TBCA: variants seen among roughly 807,000 people sequenced by gnomAD.
The protein encoded by TBCA is tubulin-specific chaperone A.
TBCA carries 6 observed loss-of-function variants against 15.8 expected under a neutral mutation model. The ratio of observed to expected loss-of-function variants is 0.38; its 90% CI spans 0.21 to 0.75. The LOEUF is 0.75. TBCA is among the 30% of genes least tolerant of loss of function. TBCA has a pLI of 0.46. For missense variants in TBCA, 90 were observed against 131.2 expected, an observed-to-expected ratio of 0.69 and a Z score of 1.53; for synonymous variants, 32 against 42.3, an observed-to-expected ratio of 0.76 and a Z score of 0.94.
intron 1 of TBCA, among the ~76,000 whole-genome samples, chr5:77,766,110 T>C (rs970962438): frequency 1.3e-5 from 2 of 152,108 alleles, no homozygotes; most frequent in Non-Finnish European, 2.9e-5. Context: ...CCTATGTCCC[T>C]ACTATTTTTC....
At chr5:77,774,011 C>G (rs1747966939) in intron 1 of TBCA, among the ~76,000 whole-genome samples, 1 of 152,142 alleles carries the variant, frequency 6.6e-6, no homozygotes, top group Non-Finnish European at 1.5e-5. Flanking sequence ...TGAATGGACC[C>G]CTCCTCTCAA....
At chr5:77,760,572 G>A (rs1163711329) in intron 1 of TBCA, among the ~76,000 whole-genome samples, 4 of 152,092 alleles carry the variant, frequency 2.6e-5, no homozygotes, top group Non-Finnish European at 5.9e-5. Flanking sequence ...ACAGGCACGC[G>A]CCACCACGCC....
At chr5:77,758,098 C>A (rs887164822) in intron 1 of TBCA, among the ~76,000 whole-genome samples, 12 of 152,046 alleles carry the variant, frequency 7.9e-5, no homozygotes, top group African/African-American at 2.7e-4. Context: ...GAGAGGGTAA[C>A]CTAAAGTACA....
At chr5:77,766,946 A>G (rs1215737408) in intron 1 of TBCA, among the ~76,000 whole-genome samples, 1 of 152,230 alleles carries the variant, frequency 6.6e-6, no homozygotes, top group Non-Finnish European at 1.5e-5. Context: ...GTGAAAAGCA[A>G]TGATATATCA....
chr5:77,748,219 C>T (rs150406859), intron 1 of TBCA, among the ~76,000 whole-genome samples: 2,803 of 152,230 alleles, frequency 0.018, 37 homozygotes, highest in Non-Finnish European at 0.03. Flanking sequence ...AACAAAAAAG[C>T]CATTCTGAGG....
chr5:77,751,471 G>GCCGGCCAGCCC (rs1409519324), intron 1 of TBCA, among the ~76,000 whole-genome samples: 1 of 151,808 alleles, frequency 6.6e-6, no homozygotes, highest in African/African-American at 2.4e-5. Context: ...GAGCCACCGC[G>GCCGGCCAGCCC]CCGGCCAGCC....
intron 2 of TBCA, among the ~76,000 whole-genome samples, chr5:77,695,134 A>G (rs922175619): frequency 6.6e-6 from 1 of 152,230 alleles, no homozygotes; most frequent in Non-Finnish European, 1.5e-5. Flanking sequence ...ACAAGTCACA[A>G]TATGTGTTTG....
At chr5:77,753,534 G>A (rs1028740144) in intron 1 of TBCA, among the ~76,000 whole-genome samples, 1 of 152,194 alleles carries the variant, frequency 6.6e-6, no homozygotes, top group Non-Finnish European at 1.5e-5. Flanking sequence ...TCATAAAAGA[G>A]AGAAGGAGGT....
chr5:77,693,143 T>C, intron 3 of TBCA, 123 bp downstream of exon 3: 1 of 1,531,542 alleles, frequency 6.5e-7, no homozygotes, highest in Non-Finnish European at 8.7e-7. Flanking sequence ...TATAGCGGTA[T>C]AAAGGGCAAG....
rs1746587749 is a variant in TBCA at position 77,724,464 on chromosome 5, A to T, written c.54-16117T>A. Among the ~76,000 whole-genome samples the T allele has an allele frequency of 4.6e-5, 7 of 152,104 alleles. No individual in the cohort carries two copies. The South Asian group carries it at 1.4e-3, about 31-fold the overall frequency. ...CCAGTACATATAAAGCAAATATTTA[A>T]ATTTTATCTAAGCCATACTTAAAAA... On this transcript the variant is annotated intron_variant, in intron 1 of 3. Coordinates refer to ENST00000380377, the MANE Select transcript of TBCA (RefSeq NM_004607.3).
chr5:77,718,318 A>G (rs1018610443), intron 1 of TBCA, among the ~76,000 whole-genome samples: 1 of 152,178 alleles, frequency 6.6e-6, no homozygotes, highest in African/African-American at 2.4e-5. Flanking sequence ...CTTAATGGAG[A>G]GTGGGAATTA....
At chr5:77,767,915 T>C (rs1441877220) in intron 1 of TBCA, among the ~76,000 whole-genome samples, 1 of 152,246 alleles carries the variant, frequency 6.6e-6, no homozygotes, top group Non-Finnish European at 1.5e-5. Context: ...TATTAAGAGA[T>C]GGGGCCTTTA....
rs1321456798 is a variant in TBCA at position 77,752,559 on chromosome 5, TTTC to T, written c.53+23643_53+23645del. ...TTGTTTTGTTTTGTTTTGTTTTGTT[TTTC>T]TTTTTTTGAGACGGAGTCTCGCTCT... On this transcript the variant is annotated intron_variant, in intron 1 of 3. Transcript: ENST00000380377. Among the ~76,000 whole-genome samples the T allele has an allele frequency of 1.0e-4, 5 of 48,096 alleles. 2 individuals are homozygous for T. Among genetic ancestry groups the T allele is most frequent in the Non-Finnish European group, 2.5e-4 (5 of 20,216 alleles). The allele number at this position is 48,096 out of a possible 152,430, so 31.6% of individuals were successfully genotyped here. A position where few individuals can be genotyped will look rare whatever the true frequency, so the allele number is the denominator to read the frequency against.
At chr5:77,704,109 T>C (rs1746090175) in intron 2 of TBCA, among the ~76,000 whole-genome samples, 1 of 152,184 alleles carries the variant, frequency 6.6e-6, no homozygotes, top group Non-Finnish European at 1.5e-5. Context: ...CTTTTTTCTT[T>C]ATAAGTTACC....
chr5:77,762,675 A>G lies in TBCA; in HGVS notation c.53+13530T>C, dbSNP rs145249074. 9.8e-5 allele frequency among the ~76,000 whole-genome samples: 15 copies of G among 152,300 alleles called. No homozygotes were observed. In the East Asian group the frequency reaches 2.7e-3, roughly 27 times the overall value. On this transcript the variant is annotated intron_variant, in intron 1 of 3. Coordinates refer to ENST00000380377, the MANE Select transcript of TBCA (RefSeq NM_004607.3). Reference sequence around the variant, plus strand: ...ATTCTTTGGCTTCAGCTCCTGAAAAACAGAGCACCAAGAGGGTTTTCAGGA... The same window carrying G: ...ATTCTTTGGCTTCAGCTCCTGAAAAGCAGAGCACCAAGAGGGTTTTCAGGA...
At position 77,693,352 on chromosome 5, in the gene TBCA, CCTA is replaced by C. The variant is rs1261919447; in HGVS notation, c.160-3_160-1del. 1 of 1,608,248 alleles carries C rather than the reference CCTA, an allele frequency of 6.2e-7. No individual in the cohort carries two copies. Among genetic ancestry groups the C allele is most frequent in the East Asian group, 2.2e-5 (1 of 44,842 alleles). Reference sequence around the variant, plus strand: ...ATCCTGGATTCTTGTAGGATCTCTGCCTAGAATGAGAATCTCTGTGAGACGTTC... The same window carrying C: ...ATCCTGGATTCTTGTAGGATCTCTGCGAATGAGAATCTCTGTGAGACGTTC... On this transcript the variant is annotated splice_acceptor_variant and splice_polypyrimidine_tract_variant and intron_variant, in intron 2 of 3. Coordinates refer to ENST00000380377, the MANE Select transcript of TBCA (RefSeq NM_004607.3). LOFTEE classifies it high-confidence loss of function.
chr5:77,744,657 C>A (rs1306329237), intron 1 of TBCA, among the ~76,000 whole-genome samples: 4 of 151,002 alleles, frequency 2.6e-5, no homozygotes, highest in African/African-American at 9.8e-5. Context: ...TGCCTCAGCC[C>A]CCCAAGCAGC....
intron 1 of TBCA, among the ~76,000 whole-genome samples, chr5:77,744,304 T>TTCTAC: frequency 6.6e-6 from 1 of 152,122 alleles, no homozygotes; most frequent in East Asian, 1.9e-4. Context: ...GTAGTGAGGG[T>TTCTAC]TCTACTACCA....
intron 1 of TBCA, among the ~76,000 whole-genome samples, chr5:77,759,292 A>C (rs192524368): frequency 1.3e-5 from 2 of 152,318 alleles, no homozygotes; most frequent in Admixed American, 1.3e-4. Flanking sequence ...TAAGATAAGG[A>C]GTTGTGGAGA....
Sources: gnomAD v4.1 joint callset for allele counts (sites outside exome capture counted in the v4.1 genomes callset) on GRCh38, gnomAD v4.1.1 for gene constraint, MANE v1.5 for transcripts, NCBI Gene and HGNC (gene_info 2026-07-23, HGNC 2026-07-21) for gene names.